Variants in AGPS observed in about 807,000 individuals in gnomAD.
The protein encoded by AGPS is alkyldihydroxyacetonephosphate synthase, peroxisomal.
Under a neutral mutation model 90.7 loss-of-function variants are expected in AGPS, and 26 were observed. The ratio of observed to expected loss-of-function variants is 0.29; its 90% confidence interval spans 0.21 to 0.40. The LOEUF (loss-of-function observed/expected upper bound fraction) is 0.40, where lower values mean the gene tolerates loss of function less well. Ranked by LOEUF, AGPS falls within the 10% of genes least tolerant of loss-of-function variation. The pLI is 1.00. For missense variants in AGPS, 540 were observed against 816.1 expected, an observed-to-expected ratio of 0.66 and a Z score of 4.12; for synonymous variants, 294 against 285.3, an observed-to-expected ratio of 1.03 and a Z score of -0.31.
chr2:177,474,525 G>GC (rs1238499319), intron 10 of AGPS, among the ~76,000 whole-genome samples: 1 of 152,170 alleles, frequency 6.6e-6, no homozygotes. Flanking sequence ...GCACAGGCGG[G>GC]CCCCCAGTCT....
At chr2:177,506,833 A>G (rs555371969) in intron 15 of AGPS, among the ~76,000 whole-genome samples, 7 of 152,030 alleles carry the variant, frequency 4.6e-5, no homozygotes, top group African/African-American at 7.2e-5. Flanking sequence ...CATAGTAAGC[A>G]TTTTGAATAT....
At chr2:177,492,996 A>C (rs1688312079) in intron 11 of AGPS, 152 bp from the exon 12 acceptor site, 1 of 660,232 alleles carries the variant, frequency 1.5e-6, no homozygotes, top group South Asian at 1.9e-5. Context: ...GTCTTCATAA[A>C]AGTATATGAA....
intron 10 of AGPS, among the ~76,000 whole-genome samples, chr2:177,473,292 A>G (rs1241026806): frequency 6.6e-6 from 1 of 152,208 alleles, no homozygotes; most frequent in African/African-American, 2.4e-5. Context: ...TTCATAATCA[A>G]ATGCCTGCTG....
At chr2:177,427,002 T>C (rs1298157258) in intron 2 of AGPS, among the ~76,000 whole-genome samples, 2 of 152,200 alleles carry the variant, frequency 1.3e-5, no homozygotes, top group Non-Finnish European at 2.9e-5. Flanking sequence ...TGGGCTCTTT[T>C]TGGTTGGCAG....
Position 177,440,907 on chromosome 2 carries a change from A to G in AGPS, c.638-58A>G, listed in dbSNP as rs1255621731. On this transcript the variant is annotated intron_variant, in intron 5 of 19. Transcript: ENST00000264167. ...GAATTTCGTAGGTTCTTATTTGCCAAGGTTATCAGATTTTATTTATGCCTC... is the reference window on the plus strand; with the variant it reads ...GAATTTCGTAGGTTCTTATTTGCCAGGGTTATCAGATTTTATTTATGCCTC... 6 of 1,440,748 alleles carry G rather than the reference A, an allele frequency of 4.2e-6. No homozygotes were observed. The African/African-American group carries it at 7.0e-5, about 17-fold the overall frequency. The allele number at this position is 1,440,748 out of a possible 1,614,324, so 89.2% of individuals were successfully genotyped here. A position where few individuals can be genotyped will look rare whatever the true frequency, so the allele number is the denominator to read the frequency against.
intron 5 of AGPS, 71 bp downstream of exon 5, chr2:177,437,125 C>A: frequency 7.0e-7 from 1 of 1,422,552 alleles, no homozygotes; most frequent in Non-Finnish European, 9.9e-7. Context: ...ATTGGAAATA[C>A]GTACTTTTTG....
Position 177,434,410 on chromosome 2 carries a change from C to A in AGPS, c.434C>A (p.Thr145Asn), listed in dbSNP as rs1686336706. Residue 145 changes from threonine (T) to asparagine (N), a missense_variant, in exon 3 of 20, where the codon ACC (threonine) becomes AAC (asparagine). Thr to Asn is a moderately conservative substitution (Grantham distance 65, BLOSUM62 0). Coordinates refer to ENST00000264167, the MANE Select transcript of AGPS (RefSeq NM_003659.4). ...TLGVNVEHKTTSKASLNPSDT... is the reference protein window; with the variant it reads ...TLGVNVEHKTNSKASLNPSDT... ...GGAGTAAATGTGGAGCATAAAACTA[C>A]CTCTAAAGTAAGCAAACAAAAATTA... 6.2e-7 allele frequency: 1 copy of A among 1,609,632 alleles called. No homozygotes were observed. The highest frequency in any genetic ancestry group is 2.2e-5 in the East Asian group (1 of 44,738).
intron 2 of AGPS, among the ~76,000 whole-genome samples, chr2:177,434,115 C>G (rs1686327996): frequency 6.6e-6 from 1 of 152,134 alleles, no homozygotes; most frequent in Non-Finnish European, 1.5e-5. Flanking sequence ...GTGTAGCACA[C>G]CCTTCTCCCC....
intron 13 of AGPS, 103 bp downstream of exon 13, chr2:177,497,868 A>C (rs748160597): frequency 1.8e-5 from 9 of 495,872 alleles, no homozygotes; most frequent in Non-Finnish European, 3.2e-5. Context: ...CCATGTTGCT[A>C]TGTACATTTC....
At position 177,469,480 on chromosome 2, in the gene AGPS, G is replaced by A. The variant is rs987629906; in HGVS notation, c.1105+956G>A. On this transcript the variant is annotated intron_variant, in intron 10 of 19. Coordinates refer to ENST00000264167, the MANE Select transcript of AGPS (RefSeq NM_003659.4). ...GGCTGATGACCAGTAGTATTGCTTA[G>A]ATGTTTTTCATGGTAACCAATGACA... is the stretch of plus-strand genomic sequence containing the variant. Among the ~76,000 whole-genome samples the A allele has an allele frequency of 9.9e-5, 15 of 152,272 alleles. No individual in the cohort carries two copies. In the East Asian group the frequency reaches 2.7e-3, roughly 27 times the overall value.
At position 177,542,809 on chromosome 2, in the gene AGPS, T is replaced by C. The variant is rs1214518589; in HGVS notation, c.*4614T>C. Reference sequence around the variant, plus strand: ...AAGTAGTTATTTTTTGAGCTACTTATACTATATCCCCAAAAGCTCACAGTG... The same window carrying C: ...AAGTAGTTATTTTTTGAGCTACTTACACTATATCCCCAAAAGCTCACAGTG... On this transcript the variant is annotated 3_prime_UTR_variant, in exon 20 of 20. Coordinates refer to ENST00000264167, the MANE Select transcript of AGPS (RefSeq NM_003659.4). 3.3e-5 allele frequency: 5 copies of C among 152,148 alleles called. No individual in the cohort carries two copies. The highest frequency in any genetic ancestry group is 7.4e-5 in the Non-Finnish European group (5 of 68,010). 9.4% of individuals were successfully genotyped at this position (152,148 alleles called of 1,614,324 possible). A position where few individuals can be genotyped will look rare whatever the true frequency, so the allele number is the denominator to read the frequency against.
intron 9 of AGPS, among the ~76,000 whole-genome samples, chr2:177,465,787 A>T: frequency 6.6e-6 from 1 of 152,210 alleles, no homozygotes; most frequent in East Asian, 1.9e-4. Flanking sequence ...GGGAGCTCCT[A>T]GGTCTGGGCT....
chr2:177,392,822 T>A lies in AGPS; in HGVS notation c.33T>A (p.Thr11=), dbSNP rs745337315. The A allele has an allele frequency of 1.3e-6, 2 of 1,545,800 alleles. No homozygotes were observed. The highest frequency in any genetic ancestry group is 2.8e-5 in the African/African-American group (2 of 72,016). ...AGGCGGCGGCTGCAGCGGGTGGGACTGGCTTGGGCGCGGGCGCGAGCTACG... is the reference window on the plus strand; with the variant it reads ...AGGCGGCGGCTGCAGCGGGTGGGACAGGCTTGGGCGCGGGCGCGAGCTACG... MAEAAAAAGG[T]GLGAGASYGS... The change falls in exon 1 of 20, where the codon ACT becomes ACA. Residue 11 remains threonine (T), a synonymous_variant. Coordinates refer to ENST00000264167, the MANE Select transcript of AGPS (RefSeq NM_003659.4).
At chr2:177,510,193 G>T (rs183491671) in intron 16 of AGPS, among the ~76,000 whole-genome samples, 1 of 152,288 alleles carries the variant, frequency 6.6e-6, no homozygotes, top group Non-Finnish European at 1.5e-5. Context: ...TGGAGTCTGA[G>T]ATCAGGATGT....
intron 18 of AGPS, among the ~76,000 whole-genome samples, chr2:177,522,899 C>T (rs1003080431): frequency 1.3e-5 from 2 of 152,164 alleles, no homozygotes; most frequent in Admixed American, 1.3e-4. Flanking sequence ...TATTTTACCT[C>T]GTAGCCATTA....
At chr2:177,536,428 G>A (rs913835421) in intron 19 of AGPS, among the ~76,000 whole-genome samples, 7 of 151,734 alleles carry the variant, frequency 4.6e-5, no homozygotes, top group Admixed American at 1.3e-4. Context: ...AAAAAATCCT[G>A]TGGAGCAAAT....
intron 7 of AGPS, among the ~76,000 whole-genome samples, chr2:177,443,073 T>G (rs780292633): frequency 2.6e-5 from 4 of 152,194 alleles, no homozygotes; most frequent in Non-Finnish European, 2.9e-5. Flanking sequence ...ATCTTTCTTT[T>G]TTTTCTAGTA....
chr2:177,458,838 T>G (rs1379697690), intron 8 of AGPS, among the ~76,000 whole-genome samples: 1 of 152,120 alleles, frequency 6.6e-6, no homozygotes, highest in African/African-American at 2.4e-5. Context: ...AAACTTCATA[T>G]GGAACAAAAA....
chr2:177,488,449 C>G (rs1251135425), intron 11 of AGPS, among the ~76,000 whole-genome samples: 1 of 152,090 alleles, frequency 6.6e-6, no homozygotes, highest in East Asian at 1.9e-4. Flanking sequence ...ATTTCCTGAC[C>G]TTGTGATCCA....
Sources: gnomAD v4.1 joint callset for allele counts (sites outside exome capture counted in the v4.1 genomes callset) on GRCh38, gnomAD v4.1.1 for gene constraint, MANE v1.5 for transcripts, NCBI Gene and HGNC (gene_info 2026-07-23, HGNC 2026-07-21) for gene names.